The following ARFGEF2 variants were observed in gnomAD, a reference collection of about 807,000 sequenced individuals.
ARFGEF2 encodes brefeldin A-inhibited guanine nucleotide-exchange protein 2.
In ARFGEF2, 74 loss-of-function variants were observed where a neutral mutation model predicts 219.9. The observed-to-expected ratio is 0.34, with a 90% CI of 0.28 to 0.41. The LOEUF is 0.41. Ranked by LOEUF, ARFGEF2 falls within the 10% of genes least tolerant of loss-of-function variation. ARFGEF2 has a pLI of 1.00. For missense variants in ARFGEF2, 1,743 were observed against 2,218.3 expected, an observed-to-expected ratio of 0.79 and a Z score of 4.30; for synonymous variants, 733 against 799.2, an observed-to-expected ratio of 0.92 and a Z score of 1.40.
Position 48,990,328 on chromosome 20 carries a change from G to A in ARFGEF2, c.2814+644G>A, listed in dbSNP as rs117892849. Among the ~76,000 whole-genome samples, 99 of 152,034 alleles carry A rather than the reference G, an allele frequency of 6.5e-4. No individual in the cohort carries two copies. The East Asian group carries it at 0.017, about 26-fold the overall frequency. On this transcript the variant is annotated intron_variant, in intron 20 of 38. Coordinates refer to ENST00000371917, the MANE Select transcript of ARFGEF2 (RefSeq NM_006420.3). ...TAACATCAGTTTTTATTATAATTTCGCATATTTCCAACTCTTCCCTGGAGA... is the reference window on the plus strand; with the variant it reads ...TAACATCAGTTTTTATTATAATTTCACATATTTCCAACTCTTCCCTGGAGA...
In ARFGEF2 at chr20:48,941,184, TTCC is replaced by T. The variant is rs1351474580; in HGVS notation, c.122-13_122-11del. 1.2e-6 allele frequency: 2 copies of T among 1,611,952 alleles called. No individual in the cohort carries two copies. Among genetic ancestry groups the T allele is most frequent in the Non-Finnish European group, 1.7e-6 (2 of 1,178,690 alleles). On this transcript the variant is annotated splice_polypyrimidine_tract_variant and intron_variant, in intron 1 of 38. Coordinates refer to ENST00000371917, the MANE Select transcript of ARFGEF2 (RefSeq NM_006420.3). ...TTGCATTTTCCTAATGTGTTTTTTC[TTCC>T]TTCCTTACCAGATGAAATTAAAGCA...
chr20:49,002,540 T>A (rs1029105585), intron 25 of ARFGEF2, among the ~76,000 whole-genome samples: 2 of 152,234 alleles, frequency 1.3e-5, no homozygotes, highest in African/African-American at 4.8e-5. Flanking sequence ...TTCAGCATAG[T>A]AATGTCTTCA....
At chr20:48,949,364 T>C (rs746677847) in intron 3 of ARFGEF2, among the ~76,000 whole-genome samples, 2 of 152,126 alleles carry the variant, frequency 1.3e-5, no homozygotes, top group Non-Finnish European at 2.9e-5. Context: ...CTTGAGTCTG[T>C]TAGATGTAAG....
In ARFGEF2 at chr20:48,936,223, C is replaced by T. The variant is rs1229875244; in HGVS notation, c.122-4976C>T. 6.9e-5 allele frequency among the ~76,000 whole-genome samples: 10 copies of T among 145,126 alleles called. No homozygotes were observed. The South Asian group carries it at 1.5e-3, about 22-fold the overall frequency. ...CCGGGCAGAGGCGCCCCTCACCTCC[C>T]GGACGGGGCGGCTGGCCGGGCGGGG... On this transcript the variant is annotated intron_variant, in intron 1 of 38. Coordinates refer to ENST00000371917, the MANE Select transcript of ARFGEF2 (RefSeq NM_006420.3).
chr20:49,002,530 T>C (rs1260827812), intron 25 of ARFGEF2, among the ~76,000 whole-genome samples: 2 of 152,220 alleles, frequency 1.3e-5, no homozygotes, highest in African/African-American at 4.8e-5. Flanking sequence ...CCTTATTTCA[T>C]TCAGCATAGT....
intron 1 of ARFGEF2, among the ~76,000 whole-genome samples, chr20:48,935,744 C>T (rs564989458): frequency 0.012 from 1,729 of 149,200 alleles, 33 homozygotes; most frequent in African/African-American, 0.039. Context: ...ACCTCCCTCC[C>T]GGACAGGGCG....
rs552432434 is a variant in ARFGEF2, at chr20:48,972,547, C to T, written c.1525+122C>T. 7.4e-6 allele frequency: 6 copies of T among 811,340 alleles called. No homozygotes were observed. The South Asian group carries it at 8.6e-5, about 12-fold the overall frequency. The allele number at this position is 811,340 out of a possible 1,614,324, so 50.3% of individuals were successfully genotyped here. A position where few individuals can be genotyped will look rare whatever the true frequency, so the allele number is the denominator to read the frequency against. On this transcript the variant is annotated intron_variant, in intron 11 of 38. Transcript: ENST00000371917. ...AAGGATTGGCAATAAAAGGCTAATT[C>T]TAACCTAGTCCTGCCCCACCTCTCC...
intron 27 of ARFGEF2, among the ~76,000 whole-genome samples, chr20:49,010,738 C>T (rs887686678): frequency 1.4e-4 from 22 of 152,178 alleles, no homozygotes; most frequent in African/African-American, 4.8e-4. Flanking sequence ...ACAGTCAATC[C>T]TCATTATTGG....
At chr20:48,935,826 C>T (rs1475899581) in intron 1 of ARFGEF2, among the ~76,000 whole-genome samples, 3 of 139,304 alleles carry the variant, frequency 2.2e-5, no homozygotes, top group African/African-American at 8.1e-5. Context: ...GGGGGCTGAC[C>T]CCCCAACCTC....
chr20:48,965,520 C>G (rs2091181853), intron 7 of ARFGEF2, among the ~76,000 whole-genome samples: 1 of 152,076 alleles, frequency 6.6e-6, no homozygotes, highest in African/African-American at 2.4e-5. Context: ...ATTAATGGTA[C>G]TTTAAAAAAA....
intron 8 of ARFGEF2, among the ~76,000 whole-genome samples, chr20:48,967,809 TAGG>T (rs1301566968): frequency 6.6e-6 from 1 of 152,198 alleles, no homozygotes; most frequent in Non-Finnish European, 1.5e-5. Context: ...GCTAGTCTGA[TAGG>T]AGAAAGCTCC....
At chr20:48,958,862 C>T (rs146667810) in intron 6 of ARFGEF2, among the ~76,000 whole-genome samples, 3 of 152,184 alleles carry the variant, frequency 2.0e-5, no homozygotes, top group Admixed American at 6.5e-5. Flanking sequence ...GATGGCACCT[C>T]GCATTTGGCC....
chr20:48,938,825 C>A lies in ARFGEF2; in HGVS notation c.122-2374C>A, dbSNP rs184345712. ...CAGTCAGCTGGAGCTGAGGAGCTGC[C>A]GCACCCCTTCCTGTACTGGGTGGAG... On this transcript the variant is annotated intron_variant, in intron 1 of 38. Transcript: ENST00000371917. Among the ~76,000 whole-genome samples, 20 of 152,272 alleles carry A rather than the reference C, an allele frequency of 1.3e-4. No homozygotes were observed. In the East Asian group the frequency reaches 3.9e-3, roughly 29 times the overall value.
chr20:48,949,269 G>A (rs1219496848), intron 3 of ARFGEF2, among the ~76,000 whole-genome samples: 2 of 152,144 alleles, frequency 1.3e-5, no homozygotes, highest in Admixed American at 6.6e-5. Flanking sequence ...CTGCTTTGTG[G>A]CATCAGTATT....
intron 14 of ARFGEF2, among the ~76,000 whole-genome samples, chr20:48,982,775 G>A (rs970075813): frequency 1.1e-4 from 16 of 152,162 alleles, no homozygotes; most frequent in African/African-American, 3.9e-4. Flanking sequence ...AGTGAGCAAG[G>A]CTCCGTGGGC....
chr20:49,012,197 G>T (rs1361540625), intron 28 of ARFGEF2, 113 bp downstream of exon 28: 2 of 1,410,814 alleles, frequency 1.4e-6, no homozygotes, highest in Non-Finnish European at 2.0e-6. Flanking sequence ...ATGTGTGTTT[G>T]CCCTAAATTA....
Position 49,018,916 on chromosome 20 carries a change from C to T in ARFGEF2, c.4542C>T (p.Ser1514=). The change falls in exon 34 of 39, where the codon AGC becomes AGT. Residue 1514 remains serine, a synonymous_variant. Coordinates refer to ENST00000371917, the MANE Select transcript of ARFGEF2 (RefSeq NM_006420.3). The part of the protein sequence containing the change: ...DVDLDRQSLS[S]IDKNPSERGQ... ...ATCTGGACCGCCAGTCTTTAAGCAG[C>T]ATAGATAAAAATCCCTCTGAGAGGG... The T allele has an allele frequency of 6.2e-7, 1 of 1,613,996 alleles. No individual in the cohort carries two copies. The highest frequency in any genetic ancestry group is 8.5e-7 in the Non-Finnish European group (1 of 1,179,918).
intron 3 of ARFGEF2, among the ~76,000 whole-genome samples, chr20:48,944,754 C>T (rs1412235517): frequency 1.3e-5 from 2 of 152,170 alleles, no homozygotes; most frequent in East Asian, 3.9e-4. Context: ...ACATGAGCCA[C>T]TGCACCCAGT....
chr20:48,930,104 C>T (rs901953074), intron 1 of ARFGEF2, among the ~76,000 whole-genome samples: 9 of 152,058 alleles, frequency 5.9e-5, no homozygotes, highest in South Asian at 4.2e-4. Flanking sequence ...ACTCACTGGG[C>T]GATTTATAAA....
Sources: gnomAD v4.1 joint callset for allele counts (sites outside exome capture counted in the v4.1 genomes callset) on GRCh38, gnomAD v4.1.1 for gene constraint, MANE v1.5 for transcripts, NCBI Gene and HGNC (gene_info 2026-07-23, HGNC 2026-07-21) for gene names.